Variants in PGBD5 observed in about 807,000 individuals in gnomAD.
PGBD5 encodes the protein piggyBac transposable element derived 5.
PGBD5 carries 14 observed loss-of-function variants against 47.9 expected under a neutral mutation model. That is an observed-to-expected ratio of 0.29 (90% CI 0.19 to 0.46). The LOEUF is 0.46. Ranked by LOEUF, PGBD5 falls within the 20% of genes least tolerant of loss-of-function variation. The probability of loss-of-function intolerance (pLI) is 1.00; values close to 1 mark genes in which losing one functional copy is unlikely to be tolerated. For synonymous variants in PGBD5, 316 were observed against 306.3 expected (o/e 1.03, Z -0.33); for missense variants, 635 against 716.0 (o/e 0.89, Z 1.29).
At chr1:230,331,404 ACACCCT>A in intron 5 of PGBD5, among the ~76,000 whole-genome samples, 1 of 152,106 alleles carries the variant, frequency 6.6e-6, no homozygotes, top group African/African-American at 2.4e-5. Flanking sequence ...CGACAGAGCA[ACACCCT>A]GTCCCAAAAA....
chr1:230,347,476 CTTTTTTTTT>C (rs71733326), intron 3 of PGBD5, among the ~76,000 whole-genome samples: 36 of 113,452 alleles, frequency 3.2e-4, no homozygotes, highest in African/African-American at 1.0e-3. Flanking sequence ...ATTTTCTTTT[CTTTTTTTTT>C]TTTTTTTTTT....
At chr1:230,403,300 C>G (rs190527234) in intron 1 of PGBD5, among the ~76,000 whole-genome samples, 28 of 152,304 alleles carry the variant, frequency 1.8e-4, no homozygotes, top group Middle Eastern at 6.8e-3. Context: ...AAGTGGAGTG[C>G]TGCCCTGTCA....
chr1:230,382,433 C>T (rs371232216), intron 1 of PGBD5, among the ~76,000 whole-genome samples: 1 of 152,172 alleles, frequency 6.6e-6, no homozygotes, highest in African/African-American at 2.4e-5. Flanking sequence ...ACTGTGAGCA[C>T]CTGAACTGCA....
At position 230,426,263 on chromosome 1, in the gene PGBD5, G is replaced by GCCA. The variant is rs1657785602; in HGVS notation, c.-336_-335insTGG. On this transcript the variant is annotated 5_prime_UTR_variant, in exon 1 of 7. Transcript: ENST00000391860. ...CGCCGCCACCACCGCCACCACCGCCGCCGCTGCGTCTCCTCGGCGCCCGCC... is the reference window on the plus strand; with the variant it reads ...CGCCGCCACCACCGCCACCACCGCCGCCACCGCTGCGTCTCCTCGGCGCCCGCC... The GCCA allele has an allele frequency of 6.6e-6, 1 of 151,512 alleles. No individual in the cohort carries two copies. Among genetic ancestry groups the GCCA allele is most frequent in the East Asian group, 1.9e-4 (1 of 5,234 alleles). 9.4% of individuals were successfully genotyped at this position (151,512 alleles called of 1,614,324 possible). A position where few individuals can be genotyped will look rare whatever the true frequency, so the allele number is the denominator to read the frequency against.
chr1:230,352,002 C>A (rs1008246982), intron 2 of PGBD5, among the ~76,000 whole-genome samples: 4 of 152,158 alleles, frequency 2.6e-5, no homozygotes, highest in Non-Finnish European at 5.9e-5. Flanking sequence ...CCTCCCTGAT[C>A]CTATCTCAAG....
Position 230,346,154 on chromosome 1 carries a change from C to T in PGBD5, c.894+4804G>A, listed in dbSNP as rs533898754. ...TCTCCCAGGCTCAAGGGAACCTTCC[C>T]GCCTCAGCCACCCAAGTAGCTGGGT... On this transcript the variant is annotated intron_variant, in intron 3 of 6. Transcript: ENST00000391860. 5.3e-5 allele frequency among the ~76,000 whole-genome samples: 8 copies of T among 152,258 alleles called. No individual in the cohort carries two copies. The East Asian group carries it at 5.8e-4, about 11-fold the overall frequency.
rs1667004450 is a variant in PGBD5 at position 230,319,554 on chromosome 1, G to A, written c.*3871C>T. On this transcript the variant is annotated 3_prime_UTR_variant, in exon 7 of 7. Coordinates refer to ENST00000391860, the MANE Select transcript of PGBD5 (RefSeq NM_001258311.2). The stretch of plus-strand genomic sequence containing the variant: ...TGATGCTTGGTGACCCCCCCTCACT[G>A]TTGGGGGGGCTGAGCCTGGGTCCCT... The A allele has an allele frequency of 6.6e-6, 1 of 152,146 alleles. No individual in the cohort carries two copies. Among genetic ancestry groups the A allele is most frequent in the Admixed American group, 6.5e-5 (1 of 15,282 alleles). 9.4% of individuals were successfully genotyped at this position (152,146 alleles called of 1,614,324 possible).
Position 230,393,297 on chromosome 1 carries a change from G to C in PGBD5, c.331+32301C>G, listed in dbSNP as rs1333082104. 2.1e-5 allele frequency among the ~76,000 whole-genome samples: 3 copies of C among 143,848 alleles called. No homozygotes were observed. In the Admixed American group the frequency reaches 2.1e-4, roughly 10 times the overall value. The allele number at this position is 143,848 out of a possible 152,430, so 94.4% of individuals were successfully genotyped here. ...GAGGGAGGAAAAAGCGAAGAGAAGA[G>C]AAAGGGGAGGGGGAGGGGCGTGCTG... is the stretch of plus-strand genomic sequence containing the variant. On this transcript the variant is annotated intron_variant, in intron 1 of 6. Transcript: ENST00000391860.
intron 1 of PGBD5, chr1:230,367,986 A>T (rs1216265664): frequency 7.3e-7 from 1 of 1,367,706 alleles, no homozygotes; most frequent in East Asian, 4.5e-5. Context: ...CTGGACACCA[A>T]GGAGCTGGGG....
intron 1 of PGBD5, among the ~76,000 whole-genome samples, chr1:230,388,406 G>T (rs1010581628): frequency 2.0e-5 from 3 of 150,604 alleles, no homozygotes; most frequent in Non-Finnish European, 4.4e-5. Context: ...ACTTCCCCTT[G>T]TTGGCCACAT....
chr1:230,393,888 T>A (rs901053230), intron 1 of PGBD5, among the ~76,000 whole-genome samples: 2 of 150,446 alleles, frequency 1.3e-5, no homozygotes. Flanking sequence ...ATTAGAAACA[T>A]GTGGCTTCGC....
At chr1:230,350,752 G>T (rs1667547798) in intron 3 of PGBD5, among the ~76,000 whole-genome samples, 1 of 152,240 alleles carries the variant, frequency 6.6e-6, no homozygotes, top group Non-Finnish European at 1.5e-5. Context: ...AGGGGTGGCA[G>T]CAGCCTCTCC....
intron 1 of PGBD5, among the ~76,000 whole-genome samples, chr1:230,379,966 T>G (rs1439401184): frequency 6.6e-6 from 1 of 152,250 alleles, no homozygotes; most frequent in Non-Finnish European, 1.5e-5. Flanking sequence ...CCTCATTTCT[T>G]CATTACTACC....
chr1:230,392,273 G>A (rs1178147802), intron 1 of PGBD5, among the ~76,000 whole-genome samples: 2 of 152,162 alleles, frequency 1.3e-5, no homozygotes, highest in African/African-American at 4.8e-5. Context: ...ACTGACCCAC[G>A]GCCCTGGAGG....
intron 1 of PGBD5, among the ~76,000 whole-genome samples, chr1:230,424,390 T>A (rs1159193394): frequency 2.0e-5 from 3 of 152,208 alleles, no homozygotes; most frequent in East Asian, 1.9e-4. Flanking sequence ...CACAGCTAAC[T>A]GTGACTTTGC....
intron 1 of PGBD5, among the ~76,000 whole-genome samples, chr1:230,419,306 A>G (rs927789341): frequency 6.6e-6 from 1 of 152,246 alleles, no homozygotes; most frequent in African/African-American, 2.4e-5. Flanking sequence ...CTAATGCAGG[A>G]ATAGAAAACC....
rs1341701763 is a variant in PGBD5 at position 230,322,336 on chromosome 1, G to A, written c.*1089C>T. 6.6e-6 allele frequency: 1 copy of A among 152,272 alleles called. No homozygotes were observed. The highest frequency in any genetic ancestry group is 2.4e-5 in the African/African-American group (1 of 41,452). 9.4% of individuals were successfully genotyped at this position (152,272 alleles called of 1,614,324 possible). On this transcript the variant is annotated 3_prime_UTR_variant, in exon 7 of 7. Transcript: ENST00000391860. The surrounding 1 kb of genome is among the most constrained non-coding windows in gnomAD (Gnocchi z 5.9). ...AGTCCTGTTTTGGGGTTTTTCCAAGGCCAGCCCTGTTGTTCTGAGGGGCCA... is the reference window on the plus strand; with the variant it reads ...AGTCCTGTTTTGGGGTTTTTCCAAGACCAGCCCTGTTGTTCTGAGGGGCCA...
At chr1:230,399,061 G>GGGC (rs1481842819) in intron 1 of PGBD5, among the ~76,000 whole-genome samples, 1 of 151,434 alleles carries the variant, frequency 6.6e-6, no homozygotes, top group African/African-American at 2.4e-5. Flanking sequence ...GTTACTAAGG[G>GGGC]GGGGTGGCTA....
At chr1:230,348,927 G>A (rs12142665) in intron 3 of PGBD5, among the ~76,000 whole-genome samples, 19,984 of 152,268 alleles carry the variant, frequency 0.13, 1,617 homozygotes, top group Non-Finnish European at 0.17. Context: ...TGGAAGCTAC[G>A]CTGCTTTTGA....
Sources: gnomAD v4.1 joint callset for allele counts (sites outside exome capture counted in the v4.1 genomes callset) on GRCh38, gnomAD v4.1.1 for gene constraint, Gnocchi (gnomAD v3.1) non-coding constraint, MANE v1.5 for transcripts, NCBI Gene and HGNC (gene_info 2026-07-23, HGNC 2026-07-21) for gene names.